Variants in L1TD1 observed in about 807,000 individuals in gnomAD.
The protein encoded by L1TD1 is LINE1 type transposase domain containing 1, also known as LINE-1 type transposase domain-containing protein 1.
Under a neutral mutation model 25.7 loss-of-function variants are expected in L1TD1, and 26 were observed. That is an observed-to-expected ratio of 1.01 (90% CI 0.74 to 1.40). The LOEUF (loss-of-function observed/expected upper bound fraction) is 1.40. Ranked by LOEUF, L1TD1 falls within the 40% of genes most tolerant of loss-of-function variation. L1TD1 has a pLI of 0.00. For synonymous variants in L1TD1, 421 were observed against 335.6 expected, an observed-to-expected ratio of 1.25 and a Z score of -2.78; for missense variants, 1,130 against 975.0, an observed-to-expected ratio of 1.16 and a Z score of -2.12.
At chr1:62,197,885 G>GAAAACAAAAC (rs140732082) in intron 2 of L1TD1, among the ~76,000 whole-genome samples, 5 of 151,316 alleles carry the variant, frequency 3.3e-5, no homozygotes, top group Admixed American at 6.6e-5. Context: ...AAAAACAGAA[G>GAAAACAAAAC]AAAACAAAAC....
In L1TD1 at chr1:62,207,510, A is replaced by C. The variant is rs1670775238; in HGVS notation, c.882A>C (p.Ser294=). 1 of 1,551,616 alleles carries C rather than the reference A, an allele frequency of 6.4e-7. No individual in the cohort carries two copies. The highest frequency in any genetic ancestry group is 1.2e-5 in the South Asian group (1 of 84,060). Residue 294 remains serine (S), a synonymous_variant, in exon 3 of 4, where the codon TCA becomes TCC. Coordinates refer to ENST00000498273, the MANE Select transcript of L1TD1 (RefSeq NM_019079.5). ...FKCDGEIKTF[S]DLQSLRKFAS... ...GTGATGGTGAAATAAAGACATTTTCAGATCTGCAAAGCCTTAGAAAATTTG... is the reference window on the plus strand; with the variant it reads ...GTGATGGTGAAATAAAGACATTTTCCGATCTGCAAAGCCTTAGAAAATTTG...
chr1:62,207,870 G>A (rs1045589495), intron 3 of L1TD1, among the ~76,000 whole-genome samples: 5 of 152,032 alleles, frequency 3.3e-5, no homozygotes, highest in Non-Finnish European at 5.9e-5. Flanking sequence ...GCACCACCAC[G>A]CCCAGATAAT....
Position 62,210,875 on chromosome 1 carries a change from A to G in L1TD1, c.2101A>G (p.Asn701Asp). ...RDIEERSRSC[N>D]IRLIGIPEKE... is the part of the protein sequence containing the mutation. ...TATAGAGGAGAGATCTAGAAGTTGC[A>G]ACATTCGTTTGATAGGAATTCCAGA... The change falls in exon 4 of 4, where the codon AAC becomes GAC. Residue 701 changes from asparagine to aspartate, a missense_variant. Asn to Asp is a conservative substitution (Grantham distance 23, BLOSUM62 1). Transcript: ENST00000498273. The G allele has an allele frequency of 7.1e-6, 11 of 1,551,474 alleles. No homozygotes were observed. Among genetic ancestry groups the G allele is most frequent in the Non-Finnish European group, 8.7e-6 (10 of 1,146,940 alleles).
In L1TD1 at chr1:62,205,441, A is replaced by ATTTTTTTTTTTTTTTTTTTT. The variant is rs1447667211; in HGVS notation, c.-110-1077_-110-1076insTTTTTTTTTTTTTTTTTTTT. Among the ~76,000 whole-genome samples the ATTTTTTTTTTTTTTTTTTTT allele has an allele frequency of 2.0e-3, 108 of 53,818 alleles. 7 individuals are homozygous for ATTTTTTTTTTTTTTTTTTTT. Among genetic ancestry groups the ATTTTTTTTTTTTTTTTTTTT allele is most frequent in the Middle Eastern group, 0.012 (1 of 84 alleles). The allele number at this position is 53,818 out of a possible 152,430, so 35.3% of individuals were successfully genotyped here. ...TCTATATATATATATATATATATAT[A>ATTTTTTTTTTTTTTTTTTTT]TATTTTTTTTTAGACAGTCTTGCTG... On this transcript the variant is annotated intron_variant, in intron 2 of 3. Coordinates refer to ENST00000498273, the MANE Select transcript of L1TD1 (RefSeq NM_019079.5).
At chr1:62,205,147 G>A (rs934123253) in intron 2 of L1TD1, among the ~76,000 whole-genome samples, 2 of 151,566 alleles carry the variant, frequency 1.3e-5, no homozygotes, top group Non-Finnish European at 2.9e-5. Flanking sequence ...TCAGGAATTC[G>A]AGGCCAGCCA....
At position 62,211,053 on chromosome 1, in the gene L1TD1, T is replaced by C. The variant is rs1670858317; in HGVS notation, c.2279T>C (p.Ile760Thr). Residue 760 changes from isoleucine (I) to threonine (T), a missense_variant, in exon 4 of 4, where the codon ATC becomes ACC. Transcript: ENST00000498273. The part of the protein sequence containing the change: ...IDEKRLTPRH[I>T]LVKFWNSSDK... Reference sequence around the variant, plus strand: ...GAAAAGAGACTGACTCCTAGACACATCTTGGTGAAATTTTGGAATTCTAGT... The same window carrying C: ...GAAAAGAGACTGACTCCTAGACACACCTTGGTGAAATTTTGGAATTCTAGT... The C allele has an allele frequency of 6.4e-7, 1 of 1,551,102 alleles. No individual in the cohort carries two copies. The highest frequency in any genetic ancestry group is 2.4e-5 in the East Asian group (1 of 40,900).
chr1:62,197,411 A>ATATATATATATATATG (rs1303394501), intron 2 of L1TD1, among the ~76,000 whole-genome samples: 2 of 30,982 alleles, frequency 6.5e-5, no homozygotes, highest in East Asian at 4.9e-3. Flanking sequence ...ATATATATAT[A>ATATATATATATATATG]TATATATATA....
chr1:62,205,372 TTTCTCTCTCTCTCTCTTTCTCTCTC>T (rs1557443337), intron 2 of L1TD1, among the ~76,000 whole-genome samples: 1 of 95,680 alleles, frequency 1.0e-5, no homozygotes, highest in African/African-American at 3.8e-5. Context: ...GAAAACTCTC[TTTCTCTCTCTCTCTCTTTCTCTCTC>T]TCTCTCTCTC....
chr1:62,196,270 C>A (rs78887888), intron 1 of L1TD1, among the ~76,000 whole-genome samples, 165 bp from the exon 2 acceptor site: 10 of 152,164 alleles, frequency 6.6e-5, no homozygotes, highest in Admixed American at 6.5e-4. Context: ...CCATTCCCTG[C>A]AGCCCTCTCC....
chr1:62,208,705 C>T (rs1392091443), intron 3 of L1TD1, among the ~76,000 whole-genome samples: 1 of 152,146 alleles, frequency 6.6e-6, no homozygotes, highest in East Asian at 1.9e-4. Context: ...TCTCGAACTC[C>T]TGGGCTCAAG....
chr1:62,197,000 C>T (rs934748200), intron 2 of L1TD1, among the ~76,000 whole-genome samples: 2 of 152,002 alleles, frequency 1.3e-5, no homozygotes, highest in African/African-American at 4.8e-5. Context: ...CAGTCTGGTG[C>T]TATTAGCAGA....
intron 2 of L1TD1, among the ~76,000 whole-genome samples, chr1:62,200,975 C>T (rs932694727): frequency 6.6e-6 from 1 of 151,668 alleles, no homozygotes; most frequent in Non-Finnish European, 1.5e-5. Flanking sequence ...CTCTGTTGCC[C>T]AGGCTGTAGT....
intron 2 of L1TD1, among the ~76,000 whole-genome samples, chr1:62,202,546 CTTT>C (rs546794105): frequency 7.6e-5 from 7 of 92,004 alleles, no homozygotes; most frequent in African/African-American, 3.5e-4. Context: ...TTTTTCTTTT[CTTT>C]TTTTTTTTTT....
intron 3 of L1TD1, chr1:62,208,331 A>G (rs11806202): frequency 0.13 from 19,989 of 152,238 alleles, 1,604 homozygotes; most frequent in African/African-American, 0.22. Flanking sequence ...ACACTAACTT[A>G]GTGTGTTTGG....
chr1:62,205,372 T>TC (rs1557443330), intron 2 of L1TD1, among the ~76,000 whole-genome samples: 25 of 95,714 alleles, frequency 2.6e-4, no homozygotes, highest in African/African-American at 7.3e-4. Flanking sequence ...GAAAACTCTC[T>TC]TTCTCTCTCT....
chr1:62,202,960 G>A (rs997578053), intron 2 of L1TD1, among the ~76,000 whole-genome samples: 1 of 152,036 alleles, frequency 6.6e-6, no homozygotes, highest in East Asian at 1.9e-4. Context: ...TGGGATTACA[G>A]GCATGAGCCA....
intron 2 of L1TD1, among the ~76,000 whole-genome samples, chr1:62,205,373 T>TTCTCTCCCCC (rs1670716191): frequency 4.4e-5 from 4 of 90,178 alleles, no homozygotes; most frequent in Admixed American, 1.3e-4. Flanking sequence ...AAAACTCTCT[T>TTCTCTCCCCC]TCTCTCTCTC....
intron 2 of L1TD1, among the ~76,000 whole-genome samples, chr1:62,205,226 T>C (rs952385965): frequency 6.6e-6 from 1 of 151,152 alleles, no homozygotes; most frequent in Non-Finnish European, 1.5e-5. Flanking sequence ...TAATCCCAGC[T>C]ACTCGGGAGG....
At chr1:62,207,726 T>C in intron 3 of L1TD1, 90 bp downstream of exon 3, 2 of 1,390,730 alleles carry the variant, frequency 1.4e-6, no homozygotes, top group Non-Finnish European at 1.9e-6. Flanking sequence ...ATTTTTTTTT[T>C]CTTGAGATGG....
Sources: allele counts gnomAD v4.1 joint callset (sites outside exome capture counted in the v4.1 genomes callset), GRCh38; gene constraint gnomAD v4.1.1; transcripts MANE v1.5; gene names NCBI Gene and HGNC (gene_info 2026-07-23, HGNC 2026-07-21).